GBF1: variants seen among roughly 807,000 people sequenced by gnomAD.
GBF1 encodes the protein Golgi-specific brefeldin A-resistance guanine nucleotide exchange factor 1.
A neutral mutation model predicts 210.5 loss-of-function variants in GBF1; 114 were observed. The observed-to-expected ratio is 0.54, with a 90% CI of 0.47 to 0.63. The LOEUF (loss-of-function observed/expected upper bound fraction) is 0.63, where lower values mean the gene tolerates loss of function less well. Ranked by LOEUF, GBF1 falls within the 30% of genes least tolerant of loss-of-function variation. The pLI is 0.00. For synonymous variants in GBF1, 850 were observed against 889.2 expected, an observed-to-expected ratio of 0.96 and a Z score of 0.78; for missense variants, 1,851 against 2,357.7, an observed-to-expected ratio of 0.79 and a Z score of 4.45.
intron 3 of GBF1, among the ~76,000 whole-genome samples, chr10:102,334,941 TCAGA>T (rs2057624193): frequency 6.6e-6 from 1 of 152,046 alleles, no homozygotes; most frequent in African/African-American, 2.4e-5. Flanking sequence ...CTGCAGATTC[TCAGA>T]CAGACATTGG....
At chr10:102,333,819 T>A (rs962603409) in intron 3 of GBF1, among the ~76,000 whole-genome samples, 2 of 152,162 alleles carry the variant, frequency 1.3e-5, no homozygotes, top group African/African-American at 4.8e-5. Flanking sequence ...TGTAGATCAC[T>A]ATCAATCTTG....
chr10:102,361,025 C>A lies in GBF1; in HGVS notation c.1396C>A (p.Leu466Ile). The stretch of plus-strand genomic sequence containing the variant: ...CCTACCCTGCTCTCATCTCCAGCTA[C>A]TCAGCATAGAGCGACTAAACCTTTA... The part of the protein sequence containing the change: ...DEMCRHLFQL[L>I]SIERLNLYAA... The change falls in exon 13 of 40, where the codon CTC becomes ATC. Residue 466 changes from leucine (L) to isoleucine (I), a missense_variant. Leu to Ile is a conservative substitution (Grantham distance 5). Around this residue, in one of 3 missense-constraint regions of GBF1, gnomAD observed 804 missense variants for 958.6 expected, o/e 0.84. Coordinates refer to ENST00000369983, the MANE Select transcript of GBF1 (RefSeq NM_001377137.1). The A allele has an allele frequency of 1.3e-6, 2 of 1,489,888 alleles. No homozygotes were observed. Among genetic ancestry groups the A allele is most frequent in the Non-Finnish European group, 1.9e-6 (2 of 1,068,042 alleles). 92.3% of individuals were successfully genotyped at this position (1,489,888 alleles called of 1,614,324 possible).
chr10:102,382,847 CAG>C lies in GBF1; in HGVS notation c.*513_*514del, dbSNP rs977867882. ...ACAGGAGCATGTACATATGGAAAAA[CAG>C]AACAACAGTGGACTTTTTATGATAT... On this transcript the variant is annotated 3_prime_UTR_variant, in exon 40 of 40. Transcript: ENST00000369983. 1.9e-5 allele frequency: 3 copies of C among 155,230 alleles called. No individual in the cohort carries two copies. The highest frequency in any genetic ancestry group is 7.2e-5 in the African/African-American group (3 of 41,510). 9.6% of individuals were successfully genotyped at this position (155,230 alleles called of 1,614,324 possible).
Position 102,376,280 on chromosome 10 carries a change from T to C in GBF1, c.3895T>C (p.Ser1299Pro). Residue 1299 changes from serine (S) to proline (P), a missense_variant, in exon 31 of 40, where the codon TCA (serine) becomes CCA (proline). Ser to Pro is a moderately conservative substitution (Grantham distance 74). Around this residue, in one of 3 missense-constraint regions of GBF1, gnomAD observed 967 missense variants for 1,247.7 expected, o/e 0.78. Coordinates refer to ENST00000369983, the MANE Select transcript of GBF1 (RefSeq NM_001377137.1). The stretch of plus-strand genomic sequence containing the variant: ...CTCCCTGCCTACCATAGGGGCCCAG[T>C]CAGATAGTGAGCTCCCATCCTACCA... ...RADAPDAGAQ[S>P]DSELPSYHQN... is the part of the protein sequence containing the mutation. 1 of 1,613,966 alleles carries C rather than the reference T, an allele frequency of 6.2e-7. No homozygotes were observed. Among genetic ancestry groups the C allele is most frequent in the Non-Finnish European group, 8.5e-7 (1 of 1,179,892 alleles).
Position 102,379,613 on chromosome 10 carries a change from A to G in GBF1, c.4738A>G (p.Lys1580Glu), listed in dbSNP as rs754503039. ...AGCACTACTTGTACATGATCTGCAAAAGCTAGATGCCCTGGAATGGGAGTC... is the reference window on the plus strand; with the variant it reads ...AGCACTACTTGTACATGATCTGCAAGAGCTAGATGCCCTGGAATGGGAGTC... ...QRALLVHDLQ[K>E]LDALEWESCF... Residue 1580 changes from lysine to glutamate, a missense_variant, in exon 35 of 40, where the codon AAG (lysine) becomes GAG (glutamate). Coordinates refer to ENST00000369983, the MANE Select transcript of GBF1 (RefSeq NM_001377137.1). The G allele has an allele frequency of 2.5e-6, 4 of 1,613,924 alleles. No individual in the cohort carries two copies. Among genetic ancestry groups the G allele is most frequent in the Non-Finnish European group, 3.4e-6 (4 of 1,179,968 alleles).
chr10:102,350,215 G>A (rs1378504467), intron 4 of GBF1, among the ~76,000 whole-genome samples: 5 of 152,006 alleles, frequency 3.3e-5, no homozygotes, highest in Admixed American at 1.3e-4. Flanking sequence ...CAGGCGTGGC[G>A]GCGCATGCCT....
intron 3 of GBF1, among the ~76,000 whole-genome samples, chr10:102,297,097 A>G (rs1023232151): frequency 6.6e-6 from 1 of 152,154 alleles, no homozygotes; most frequent in East Asian, 1.9e-4. Context: ...AGTTATAAGC[A>G]TAAGACTTAA....
chr10:102,317,990 G>A (rs915140573), intron 3 of GBF1, among the ~76,000 whole-genome samples: 5 of 151,990 alleles, frequency 3.3e-5, no homozygotes, highest in Non-Finnish European at 7.4e-5. Flanking sequence ...CTCACTACAA[G>A]CTCTGCCTCC....
chr10:102,378,431 T>C (rs910489885), intron 33 of GBF1, among the ~76,000 whole-genome samples: 1 of 151,344 alleles, frequency 6.6e-6, no homozygotes, highest in Non-Finnish European at 1.5e-5. Context: ...GAGACCAGCC[T>C]GGGAAAAATA....
Position 102,378,772 on chromosome 10 carries a change from A to T in GBF1, c.4495-512A>T, listed in dbSNP as rs111995750. 4.6e-5 allele frequency among the ~76,000 whole-genome samples: 7 copies of T among 152,222 alleles called. 1 individual carries two copies. The highest frequency in any genetic ancestry group is 1.4e-4 in the African/African-American group (6 of 41,550). On this transcript the variant is annotated intron_variant, in intron 33 of 39. Transcript: ENST00000369983. ...AACATGGCAAAACCCCATCTCTACA[A>T]AAATACAAAAAATTAGCTGGCTGTG...
chr10:102,373,743 T>C (rs963837187), intron 29 of GBF1, among the ~76,000 whole-genome samples: 3 of 152,178 alleles, frequency 2.0e-5, no homozygotes, highest in Admixed American at 2.0e-4. Context: ...ATGAAACATA[T>C]AATTACCATA....
At chr10:102,291,069 C>A (rs202224863) in intron 3 of GBF1, among the ~76,000 whole-genome samples, 2 of 152,174 alleles carry the variant, frequency 1.3e-5, no homozygotes, top group East Asian at 3.9e-4. Context: ...AGGAACCTTT[C>A]GGATTTGTAT....
At chr10:102,327,628 T>A (rs1409859938) in intron 3 of GBF1, among the ~76,000 whole-genome samples, 1 of 152,210 alleles carries the variant, frequency 6.6e-6, no homozygotes, top group Non-Finnish European at 1.5e-5. Flanking sequence ...TTTCTGAATT[T>A]GGTTGTGTTT....
chr10:102,277,858 C>T (rs1565049496), intron 3 of GBF1, among the ~76,000 whole-genome samples: 1 of 151,976 alleles, frequency 6.6e-6, no homozygotes, highest in South Asian at 2.1e-4. Context: ...TCCCCTTCAG[C>T]CAAGGATCAC....
In GBF1 at chr10:102,245,787, C is replaced by T. The variant is rs1405458683; in HGVS notation, c.-11+6C>T. 1 of 152,212 alleles carries T rather than the reference C, an allele frequency of 6.6e-6. No individual in the cohort carries two copies. Among genetic ancestry groups the T allele is most frequent in the East Asian group, 1.9e-4 (1 of 5,202 alleles). The allele number at this position is 152,212 out of a possible 1,614,324, so 9.4% of individuals were successfully genotyped here. A position where few individuals can be genotyped will look rare whatever the true frequency, so the allele number is the denominator to read the frequency against. On this transcript the variant is annotated splice_donor_region_variant and intron_variant, in intron 1 of 39. Transcript: ENST00000369983. ...CATTTTGGATCCGCTGACAGGTCAGCGAAGTCTCTTCCTAGAGTTCCGGTG... is the reference window on the plus strand; with the variant it reads ...CATTTTGGATCCGCTGACAGGTCAGTGAAGTCTCTTCCTAGAGTTCCGGTG...
upstream of GBF1, among the ~76,000 whole-genome samples, chr10:102,241,011 C>T (rs546227791): frequency 1.3e-5 from 2 of 151,472 alleles, no homozygotes; most frequent in African/African-American, 2.4e-5. This position sits in a 1 kb window ranked among gnomAD's most constrained non-coding sequence, Gnocchi z 6.7. Context: ...CCGCCTGCCC[C>T]GTGCCCTGGG....
At chr10:102,247,617 G>T (rs2071007172) in intron 1 of GBF1, among the ~76,000 whole-genome samples, 1 of 152,030 alleles carries the variant, frequency 6.6e-6, no homozygotes, top group African/African-American at 2.4e-5. Flanking sequence ...TGACTATAGA[G>T]GCATCAAAAC....
At chr10:102,254,914 G>C (rs2072119413) in intron 1 of GBF1, among the ~76,000 whole-genome samples, 2 of 152,154 alleles carry the variant, frequency 1.3e-5, no homozygotes, top group Admixed American at 6.5e-5. Context: ...TGGTTCATCA[G>C]TTTCCCATCT....
chr10:102,335,914 C>T (rs1332808470), intron 3 of GBF1, among the ~76,000 whole-genome samples: 1 of 152,074 alleles, frequency 6.6e-6, no homozygotes, highest in Non-Finnish European at 1.5e-5. Flanking sequence ...TATCAACCAC[C>T]CGTTATCTCA....
Sources: allele counts gnomAD v4.1 joint callset (sites outside exome capture counted in the v4.1 genomes callset), GRCh38; gene constraint gnomAD v4.1.1; regional missense constraint gnomAD v4.1.1; non-coding constraint Gnocchi (gnomAD v3.1); transcripts MANE v1.5; gene names NCBI Gene and HGNC (gene_info 2026-07-23, HGNC 2026-07-21).